The following COL25A1 variants were observed in gnomAD, a reference collection of about 807,000 sequenced individuals.
The protein encoded by COL25A1 is collagen type XXV alpha 1 chain, also known as collagen alpha-1(XXV) chain.
COL25A1 carries 103 observed loss-of-function variants against 128.4 expected under a neutral mutation model. The ratio of observed to expected loss-of-function variants is 0.80; its 90% CI spans 0.68 to 0.94. The LOEUF (loss-of-function observed/expected upper bound fraction) is 0.94. Ranked by LOEUF, COL25A1 falls within the 40% of genes least tolerant of loss-of-function variation. The probability of loss-of-function intolerance (pLI) is 0.00; values close to 1 mark genes in which losing one functional copy is unlikely to be tolerated. For missense variants in COL25A1, 745 were observed against 840.0 expected (o/e 0.89, Z 1.40); for synonymous variants, 279 against 277.2 (o/e 1.01, Z -0.06).
intron 5 of COL25A1, among the ~76,000 whole-genome samples, chr4:109,023,874 C>T (rs893145708): frequency 2.0e-5 from 3 of 152,190 alleles, no homozygotes; most frequent in Non-Finnish European, 2.9e-5. Flanking sequence ...CCCTTCTACT[C>T]GCTATTCTCA....
At chr4:108,985,528 A>G (rs571171186) in intron 6 of COL25A1, among the ~76,000 whole-genome samples, 97 of 152,346 alleles carry the variant, frequency 6.4e-4, no homozygotes, top group African/African-American at 2.2e-3. Flanking sequence ...TTTGGGAAAA[A>G]TAAACATGAG....
At chr4:108,921,641 T>C (rs950339881) in intron 11 of COL25A1, among the ~76,000 whole-genome samples, 2 of 152,214 alleles carry the variant, frequency 1.3e-5, no homozygotes, top group Non-Finnish European at 2.9e-5. Context: ...GACCTGCTCA[T>C]GCATCCTTTT....
intron 3 of COL25A1, among the ~76,000 whole-genome samples, chr4:109,257,178 G>A (rs1249637379): frequency 3.3e-5 from 5 of 152,174 alleles, no homozygotes; most frequent in Non-Finnish European, 5.9e-5. Context: ...GGGTTTGGAA[G>A]ATTTTATATT....
Position 109,258,522 on chromosome 4 carries a change from A to G in COL25A1, c.367+42061T>C, listed in dbSNP as rs185783988. On this transcript the variant is annotated intron_variant, in intron 3 of 37. Coordinates refer to ENST00000399132, the MANE Select transcript of COL25A1 (RefSeq NM_198721.4). ...GTAAAACACTTGGAACAGTGCCTGCACTGTTCAATAAGTTCTTTAAAAATA... is the reference window on the plus strand; with the variant it reads ...GTAAAACACTTGGAACAGTGCCTGCGCTGTTCAATAAGTTCTTTAAAAATA... Among the ~76,000 whole-genome samples the G allele has an allele frequency of 1.0e-3, 159 of 152,318 alleles. 2 individuals are homozygous for G. The highest frequency in any genetic ancestry group is 3.8e-3 in the African/African-American group (156 of 41,572).
intron 3 of COL25A1, among the ~76,000 whole-genome samples, chr4:109,299,286 G>A (rs970729991): frequency 3.9e-5 from 6 of 152,098 alleles, no homozygotes; most frequent in African/African-American, 1.4e-4. Context: ...CTAGAAAAGT[G>A]CCTTCCTTGA....
chr4:109,158,653 C>T (rs761040365), intron 3 of COL25A1, among the ~76,000 whole-genome samples: 25 of 152,262 alleles, frequency 1.6e-4, no homozygotes, highest in Non-Finnish European at 2.9e-4. Context: ...TGGAATTAAA[C>T]GTGATTCATG....
chr4:109,042,731 C>T (rs1476558918), intron 5 of COL25A1, among the ~76,000 whole-genome samples: 1 of 151,914 alleles, frequency 6.6e-6, no homozygotes, highest in Non-Finnish European at 1.5e-5. Context: ...GGAATATTTG[C>T]TGAAAAACTT....
intron 3 of COL25A1, among the ~76,000 whole-genome samples, chr4:109,161,219 G>C (rs1441130389): frequency 6.6e-6 from 1 of 152,106 alleles, no homozygotes; most frequent in East Asian, 1.9e-4. Flanking sequence ...GACAATCCCT[G>C]GAGACATTGA....
At chr4:109,240,729 TC>T (rs935242331) in intron 3 of COL25A1, among the ~76,000 whole-genome samples, 13 of 152,106 alleles carry the variant, frequency 8.5e-5, no homozygotes, top group Non-Finnish European at 1.8e-4. Context: ...GCTGATGCTG[TC>T]ACTTGGGCTA....
At chr4:109,244,429 C>A (rs771741399) in intron 3 of COL25A1, among the ~76,000 whole-genome samples, 1 of 152,134 alleles carries the variant, frequency 6.6e-6, no homozygotes, top group Non-Finnish European at 1.5e-5. Context: ...AGATCCCACT[C>A]TTCCCCTTCT....
At chr4:109,059,020 A>C (rs140971460) in intron 3 of COL25A1, among the ~76,000 whole-genome samples, 3 of 152,328 alleles carry the variant, frequency 2.0e-5, no homozygotes, top group Non-Finnish European at 4.4e-5. Context: ...GCATACTAAA[A>C]CAATTAGTGC....
intron 3 of COL25A1, among the ~76,000 whole-genome samples, chr4:109,200,237 A>G (rs1283235325): frequency 2.0e-5 from 3 of 152,170 alleles, no homozygotes; most frequent in Admixed American, 6.5e-5. Context: ...ACTGCTGGTG[A>G]GACACTTCCT....
intron 5 of COL25A1, among the ~76,000 whole-genome samples, chr4:109,018,995 T>A (rs553338738): frequency 2.6e-5 from 4 of 152,258 alleles, no homozygotes; most frequent in African/African-American, 9.6e-5. Context: ...GAGTGTCAAC[T>A]TGATTGGATT....
At chr4:109,040,906 C>A (rs1195407269) in intron 5 of COL25A1, among the ~76,000 whole-genome samples, 1 of 151,912 alleles carries the variant, frequency 6.6e-6, no homozygotes, top group Non-Finnish European at 1.5e-5. Flanking sequence ...TATCAAGTAT[C>A]CTGGGGAGAG....
intron 3 of COL25A1, among the ~76,000 whole-genome samples, chr4:109,097,203 C>T (rs865799420): frequency 1.3e-5 from 2 of 152,268 alleles, no homozygotes; most frequent in South Asian, 2.1e-4. Flanking sequence ...CGACTGACTC[C>T]GTTTTGGTTT....
At chr4:108,904,323 CACATAT>C (rs1409670186) in intron 13 of COL25A1, among the ~76,000 whole-genome samples, 1 of 152,050 alleles carries the variant, frequency 6.6e-6, no homozygotes, top group Non-Finnish European at 1.5e-5. Flanking sequence ...TATACATATA[CACATAT>C]ACATATACAC....
intron 3 of COL25A1, among the ~76,000 whole-genome samples, chr4:109,250,395 CAT>C (rs1491556702): frequency 3.3e-5 from 5 of 151,496 alleles, no homozygotes; most frequent in East Asian, 1.9e-4. Flanking sequence ...CACACACACA[CAT>C]ATGGGGAGAG....
At chr4:109,179,491 CT>C (rs1289429731) in intron 3 of COL25A1, among the ~76,000 whole-genome samples, 2 of 152,354 alleles carry the variant, frequency 1.3e-5, no homozygotes, top group African/African-American at 4.8e-5. Flanking sequence ...ACCAAACCCC[CT>C]GTTAGAAACC....
chr4:109,033,858 C>T (rs1032309819), intron 5 of COL25A1, among the ~76,000 whole-genome samples: 1 of 151,668 alleles, frequency 6.6e-6, no homozygotes, highest in African/African-American at 2.4e-5. Flanking sequence ...CAATAATAAT[C>T]CAAAAGGAAT....
Sources: gnomAD v4.1 joint callset for allele counts (sites outside exome capture counted in the v4.1 genomes callset) on GRCh38, gnomAD v4.1.1 for gene constraint, MANE v1.5 for transcripts, NCBI Gene and HGNC (gene_info 2026-07-23, HGNC 2026-07-21) for gene names.